Variants in SEMA3D observed in about 807,000 individuals in gnomAD.
SEMA3D encodes semaphorin 3D.
In SEMA3D, 84 loss-of-function variants were observed where a neutral mutation model predicts 100.1. The observed-to-expected ratio is 0.84, with a 90% confidence interval of 0.70 to 1.01. The LOEUF (loss-of-function observed/expected upper bound fraction) is 1.01, where lower values mean the gene tolerates loss of function less well. Ranked by LOEUF, SEMA3D falls within the 50% of genes least tolerant of loss-of-function variation. The probability of loss-of-function intolerance (pLI) is 0.00; values close to 1 mark genes in which losing one functional copy is unlikely to be tolerated. For synonymous variants in SEMA3D, 312 were observed against 320.7 expected (o/e 0.97, Z 0.29); for missense variants, 875 against 934.1 (o/e 0.94, Z 0.82).
intron 3 of SEMA3D, among the ~76,000 whole-genome samples, chr7:85,107,310 G>T (rs1195299112): frequency 6.6e-6 from 1 of 151,962 alleles, no homozygotes; most frequent in Non-Finnish European, 1.5e-5. Flanking sequence ...TTAATCACTT[G>T]CCCAAGGAGC....
In SEMA3D at chr7:85,116,366, TTA is replaced by T. The variant is rs981423977; in HGVS notation, c.151+5373_151+5374del. 3.5e-3 allele frequency among the ~76,000 whole-genome samples: 514 copies of T among 146,376 alleles called. 2 individuals carry two copies. The highest frequency in any genetic ancestry group is 5.8e-3 in the Admixed American group (84 of 14,534). The stretch of plus-strand genomic sequence containing the variant: ...TGTATATTTATATATTATAATATAT[TTA>T]TATATATTTATATAAATATATACAT... On this transcript the variant is annotated intron_variant, in intron 3 of 18. Coordinates refer to ENST00000284136, the MANE Select transcript of SEMA3D (RefSeq NM_001384900.1).
chr7:85,117,514 C>T (rs760800763), intron 3 of SEMA3D, among the ~76,000 whole-genome samples: 3 of 152,164 alleles, frequency 2.0e-5, no homozygotes, highest in Admixed American at 1.3e-4. Context: ...TAAGGTGGCT[C>T]ACTCCTATAA....
intron 3 of SEMA3D, among the ~76,000 whole-genome samples, chr7:85,117,154 G>A (rs907401155): frequency 9.2e-5 from 14 of 152,086 alleles, no homozygotes; most frequent in African/African-American, 3.4e-4. Context: ...TTAAATATAC[G>A]CACTTGAGGC....
chr7:85,157,455 C>G (rs1487574707), intron 1 of SEMA3D, among the ~76,000 whole-genome samples: 1 of 152,040 alleles, frequency 6.6e-6, no homozygotes, highest in Non-Finnish European at 1.5e-5. Flanking sequence ...CCCCATTGTA[C>G]ATTTTATGTG....
intron 1 of SEMA3D, among the ~76,000 whole-genome samples, chr7:85,178,325 G>T (rs1408148267): frequency 6.6e-6 from 1 of 152,184 alleles, no homozygotes; most frequent in South Asian, 2.1e-4. Flanking sequence ...ATGGTGTGAA[G>T]GGCTCAGAAG....
chr7:85,165,418 G>T (rs960106873), intron 1 of SEMA3D, among the ~76,000 whole-genome samples: 1 of 152,022 alleles, frequency 6.6e-6, no homozygotes, highest in Non-Finnish European at 1.5e-5. Context: ...TGAGAAAGAC[G>T]TGATGTAATA....
Position 85,073,253 on chromosome 7 carries a change from T to C in SEMA3D, c.376-172A>G, listed in dbSNP as rs147108788. 7.3e-3 allele frequency among the ~76,000 whole-genome samples: 1,109 copies of C among 152,284 alleles called. 32 individuals carry two copies. The highest frequency in any genetic ancestry group is 0.06 in the South Asian group (290 of 4,832). ...TGTAGCAAACGAGGCAAGACAAATA[T>C]AGAAACCATGGTATAAAGGAGTAGC... On this transcript the variant is annotated intron_variant, in intron 5 of 18. Transcript: ENST00000284136.
chr7:85,211,546 G>A, the SEMA3D span, among the ~76,000 whole-genome samples: 1 of 152,036 alleles, frequency 6.6e-6, no homozygotes, highest in Non-Finnish European at 1.5e-5. Flanking sequence ...ATAGCAAAAT[G>A]CAAACTAACA....
chr7:85,036,812 G>A, intron 12 of SEMA3D, 77 bp downstream of exon 12: 1 of 1,200,662 alleles, frequency 8.3e-7, no homozygotes, highest in Non-Finnish European at 1.2e-6. Flanking sequence ...CTGGTGAATA[G>A]CAGAATTTAT....
chr7:85,103,216 G>A (rs1788801807), intron 3 of SEMA3D, among the ~76,000 whole-genome samples: 1 of 151,880 alleles, frequency 6.6e-6, no homozygotes, highest in Non-Finnish European at 1.5e-5. Flanking sequence ...AAAAAAATTG[G>A]TAATTTTAGA....
intron 2 of SEMA3D, among the ~76,000 whole-genome samples, chr7:85,143,802 A>G (rs985542781): frequency 2.0e-5 from 3 of 151,672 alleles, no homozygotes; most frequent in African/African-American, 7.3e-5. Flanking sequence ...GCTCACTGCA[A>G]TCTCTGCCTC....
chr7:85,205,031 T>A, the SEMA3D span, among the ~76,000 whole-genome samples: 1 of 152,148 alleles, frequency 6.6e-6, no homozygotes, highest in Admixed American at 6.6e-5. Context: ...ATTTCCCTAA[T>A]GATTAGATAT....
the SEMA3D span, among the ~76,000 whole-genome samples, chr7:85,228,065 C>A: frequency 4.6e-5 from 7 of 152,076 alleles, no homozygotes; most frequent in Non-Finnish European, 8.8e-5. Flanking sequence ...ATGACATTGG[C>A]CAAAAGCACA....
intron 12 of SEMA3D, among the ~76,000 whole-genome samples, chr7:85,030,021 T>G (rs2115905375): frequency 6.6e-6 from 1 of 152,104 alleles, no homozygotes; most frequent in Non-Finnish European, 1.5e-5. Flanking sequence ...AGCATTTATT[T>G]AATGTCTCTA....
intron 12 of SEMA3D, 74 bp from the exon 13 acceptor site, chr7:85,022,687 T>C: frequency 2.2e-6 from 2 of 893,068 alleles, no homozygotes; most frequent in Non-Finnish European, 3.7e-6. Flanking sequence ...TCCAATAAAA[T>C]TTGTATAGCT....
chr7:85,180,219 G>A (rs2732759), intron 1 of SEMA3D, among the ~76,000 whole-genome samples: 101,054 of 152,006 alleles, frequency 0.66, 34,320 homozygotes, highest in East Asian at 0.92. Flanking sequence ...TCTTATGATA[G>A]TGAGTGAGTT....
chr7:85,039,777 C>T (rs990419692), intron 11 of SEMA3D, among the ~76,000 whole-genome samples: 6 of 152,022 alleles, frequency 3.9e-5, no homozygotes, highest in African/African-American at 1.4e-4. Flanking sequence ...ACAGCCACAC[C>T]TGTCTTTGTA....
chr7:85,169,716 C>T (rs537040517), intron 1 of SEMA3D, among the ~76,000 whole-genome samples: 14 of 151,844 alleles, frequency 9.2e-5, no homozygotes, highest in African/African-American at 2.9e-4. Flanking sequence ...AAATATTTTA[C>T]TGATGCTACA....
At chr7:85,192,469 G>C in the SEMA3D span, among the ~76,000 whole-genome samples, 1 of 152,136 alleles carries the variant, frequency 6.6e-6, no homozygotes, top group African/African-American at 2.4e-5. Context: ...AAGTGAGCTA[G>C]TAGGGCACTT....
Sources: allele counts gnomAD v4.1 joint callset (sites outside exome capture counted in the v4.1 genomes callset), GRCh38; gene constraint gnomAD v4.1.1; transcripts MANE v1.5; gene names NCBI Gene and HGNC (gene_info 2026-07-23, HGNC 2026-07-21).